TAB1: variants seen among roughly 807,000 people sequenced by gnomAD.
TAB1 encodes TGF-beta-activated kinase 1 and MAP3K7-binding protein 1.
Under a neutral mutation model 54.5 loss-of-function variants are expected in TAB1, and 30 were observed. The observed-to-expected ratio is 0.55, with a 90% CI of 0.41 to 0.75. The LOEUF is 0.75. Among genes scored for constraint, TAB1 ranks in the 30% least tolerant of loss-of-function variants. The probability of loss-of-function intolerance (pLI) is 0.00; values close to 1 mark genes in which losing one functional copy is unlikely to be tolerated. For missense variants in TAB1, 609 were observed against 683.2 expected (o/e 0.89, Z 1.21); for synonymous variants, 289 against 286.9 (o/e 1.01, Z -0.07).
chr22:39,399,869 T>G, intron 1 of TAB1, 34 bp downstream of exon 1: 1 of 1,578,572 alleles, frequency 6.3e-7, no homozygotes, highest in South Asian at 1.2e-5. Context: ...GGCTTGGGGT[T>G]GGGAGCCTGG....
chr22:39,408,315 G>A (rs1271754130), intron 1 of TAB1, among the ~76,000 whole-genome samples: 1 of 152,168 alleles, frequency 6.6e-6, no homozygotes, highest in African/African-American at 2.4e-5. Context: ...TCCCACATCA[G>A]CCAAATACAG....
chr22:39,402,575 G>C (rs1926193879), intron 1 of TAB1, among the ~76,000 whole-genome samples: 1 of 152,164 alleles, frequency 6.6e-6, no homozygotes, highest in South Asian at 2.1e-4. Context: ...GTATGGGGAA[G>C]ACAGGATCTC....
At chr22:39,425,788 GGCCT>G (rs1927304276) in intron 8 of TAB1, among the ~76,000 whole-genome samples, 1 of 150,478 alleles carries the variant, frequency 6.6e-6, no homozygotes, top group African/African-American at 2.4e-5. Context: ...CCTCATGATC[GGCCT>G]GCCTCAGAAT....
At chr22:39,433,417 C>T, downstream of TAB1, 1 of 973,546 alleles carries the variant, frequency 1.0e-6, no homozygotes, top group Non-Finnish European at 1.2e-6. Context: ...CACCACTGCA[C>T]TCCAGAGCCT....
Position 39,430,191 on chromosome 22 carries a change from A to C in TAB1, c.1484A>C (p.His495Pro). The change falls in exon 11 of 11, where the codon CAT becomes CCT. Residue 495 changes from histidine (H) to proline (P), a missense_variant. By Grantham distance (77) the His-to-Pro change is moderately conservative. Coordinates refer to ENST00000216160, the MANE Select transcript of TAB1 (RefSeq NM_006116.3). ...TTTTACCGCCTCTGGAGCGTGGACC[A>C]TGGCGAGCAGAGCGTGGTGACAGCA... ...AEFYRLWSVDHGEQSVVTAP is the reference protein window; with the variant it reads ...AEFYRLWSVDPGEQSVVTAP 6.2e-7 allele frequency: 1 copy of C among 1,613,514 alleles called. No individual in the cohort carries two copies. The highest frequency in any genetic ancestry group is 8.5e-7 in the Non-Finnish European group (1 of 1,180,018).
chr22:39,428,318 G>T (rs1185596381), intron 10 of TAB1, 135 bp downstream of exon 10: 3 of 561,886 alleles, frequency 5.3e-6, no homozygotes, highest in East Asian at 6.1e-5. Context: ...CCAGCTCCGT[G>T]CCTGGTGAGG....
In TAB1 at chr22:39,428,130, C is replaced by T. The variant is rs751964042; in HGVS notation, c.1254C>T (p.Val418=). 1 of 1,613,726 alleles carries T rather than the reference C, an allele frequency of 6.2e-7. No homozygotes were observed. The change falls in exon 10 of 11, where the codon GTC becomes GTT. Residue 418 remains valine, a synonymous_variant. Transcript: ENST00000216160. ...SLVMPSQGQM[V]NGAHSASTLD... ...TCATGCCCTCCCAGGGCCAGATGGTCAACGGGGCTCACAGTGCTTCCACCC... is the reference window on the plus strand; with the variant it reads ...TCATGCCCTCCCAGGGCCAGATGGTTAACGGGGCTCACAGTGCTTCCACCC...
chr22:39,407,574 C>T (rs1272800379), intron 1 of TAB1, among the ~76,000 whole-genome samples: 1 of 151,906 alleles, frequency 6.6e-6, no homozygotes, highest in East Asian at 1.9e-4. Flanking sequence ...CGCTCTGCCT[C>T]CCGGGTTCCA....
At position 39,428,006 on chromosome 22, in the gene TAB1, C is replaced by T; in HGVS notation, c.1145-15C>T. On this transcript the variant is annotated splice_polypyrimidine_tract_variant and intron_variant, in intron 9 of 10. Transcript: ENST00000216160. The stretch of plus-strand genomic sequence containing the variant: ...TCAGCTGCTGCCTGAGGCCCCCACT[C>T]TCTTCCTCCCAAAGCTGCAGGAGGA... 1.9e-6 allele frequency: 3 copies of T among 1,569,484 alleles called. No homozygotes were observed. Among genetic ancestry groups the T allele is most frequent in the Non-Finnish European group, 2.6e-6 (3 of 1,148,740 alleles).
At chr22:39,414,317 G>C (rs1012550382) in intron 1 of TAB1, among the ~76,000 whole-genome samples, 4 of 152,214 alleles carry the variant, frequency 2.6e-5, no homozygotes, top group African/African-American at 7.2e-5. Flanking sequence ...TTGGGACTGG[G>C]AGGGAAGGAT....
intron 5 of TAB1, among the ~76,000 whole-genome samples, 153 bp downstream of exon 5, chr22:39,418,002 G>A (rs768076919): frequency 6.6e-6 from 1 of 152,176 alleles, no homozygotes; most frequent in Non-Finnish European, 1.5e-5. Context: ...CCACAGTGAC[G>A]CCTCAGTCCC....
intron 1 of TAB1, among the ~76,000 whole-genome samples, chr22:39,400,273 GAT>G (rs1926079433): frequency 6.6e-6 from 1 of 152,264 alleles, no homozygotes; most frequent in Non-Finnish European, 1.5e-5. Flanking sequence ...AGCCCCCTGA[GAT>G]AGGTGCTACT....
intron 1 of TAB1, among the ~76,000 whole-genome samples, chr22:39,408,298 TAGTTATTCC>T (rs1926457846): frequency 6.6e-6 from 1 of 152,202 alleles, no homozygotes; most frequent in Admixed American, 6.5e-5. Flanking sequence ...TTGGGAAAGT[TAGTTATTCC>T]CACATCAGCC....
chr22:39,409,740 C>T (rs886311665), intron 1 of TAB1, among the ~76,000 whole-genome samples: 2 of 152,198 alleles, frequency 1.3e-5, no homozygotes, highest in African/African-American at 4.8e-5. Context: ...CCCCCACCGC[C>T]CATCACGCTG....
chr22:39,408,575 T>C (rs950985805), intron 1 of TAB1, among the ~76,000 whole-genome samples: 7 of 152,160 alleles, frequency 4.6e-5, no homozygotes, highest in African/African-American at 1.7e-4. Context: ...CGATCTCGGC[T>C]CTCTGCAACC....
At chr22:39,422,400 C>CTTTTTTT (rs965591327) in intron 8 of TAB1, among the ~76,000 whole-genome samples, 17 of 88,526 alleles carry the variant, frequency 1.9e-4, no homozygotes, top group Non-Finnish European at 3.1e-4. Flanking sequence ...CTTCTCATTT[C>CTTTTTTT]TTTTTTTTTT....
intron 8 of TAB1, among the ~76,000 whole-genome samples, chr22:39,425,382 C>CAA (rs781717299): frequency 7.6e-6 from 1 of 132,360 alleles, no homozygotes; most frequent in Non-Finnish European, 1.6e-5. Flanking sequence ...GACTCTGTCT[C>CAA]AAAAAAAAAA....
rs372880434 is a variant in TAB1, at chr22:39,399,870, G to T, written c.33+35G>T. 3.4e-4 allele frequency: 537 copies of T among 1,578,454 alleles called. 2 individuals carry two copies. Among genetic ancestry groups the T allele is most frequent in the Non-Finnish European group, 4.1e-4 (472 of 1,162,348 alleles). On this transcript the variant is annotated intron_variant, in intron 1 of 10. Transcript: ENST00000216160. Reference sequence around the variant, plus strand: ...AGGCCCGCTCTCTGGGCTTGGGGTTGGGAGCCTGGGCGGGGGTGCTGTCGG... The same window carrying T: ...AGGCCCGCTCTCTGGGCTTGGGGTTTGGAGCCTGGGCGGGGGTGCTGTCGG...
At chr22:39,437,087 A>G (rs1426600845), downstream of TAB1, 1 of 152,784 alleles carries the variant, frequency 6.5e-6, no homozygotes, top group Non-Finnish European at 1.5e-5. Context: ...GACTATTGGT[A>G]GAAAGATAAA....
Sources: gnomAD v4.1 joint callset for allele counts (sites outside exome capture counted in the v4.1 genomes callset) on GRCh38, gnomAD v4.1.1 for gene constraint, MANE v1.5 for transcripts, NCBI Gene and HGNC (gene_info 2026-07-23, HGNC 2026-07-21) for gene names.